GRK5: variants seen among roughly 807,000 people sequenced by gnomAD.
The protein encoded by GRK5 is G protein-coupled receptor kinase 5.
A neutral mutation model predicts 78.4 loss-of-function variants in GRK5; 40 were observed. The observed-to-expected ratio is 0.51, with a 90% CI of 0.40 to 0.66. The LOEUF (loss-of-function observed/expected upper bound fraction) is 0.66, where lower values mean the gene tolerates loss of function less well. Ranked by LOEUF, GRK5 falls within the 30% of genes least tolerant of loss-of-function variation. The pLI is 0.00. For missense variants in GRK5, 598 were observed against 759.9 expected (o/e 0.79, Z 2.50); for synonymous variants, 289 against 296.8 (o/e 0.97, Z 0.27).
intron 2 of GRK5, among the ~76,000 whole-genome samples, chr10:119,353,433 T>C (rs975672054): frequency 2.6e-5 from 4 of 152,202 alleles, no homozygotes; most frequent in African/African-American, 9.6e-5. Context: ...CTGCTATTAA[T>C]ATACTAATTA....
chr10:119,315,953 A>G (rs1253580606), intron 1 of GRK5, among the ~76,000 whole-genome samples: 1 of 152,196 alleles, frequency 6.6e-6, no homozygotes. Flanking sequence ...GGTCCCCTGC[A>G]TTAGCATAAT....
chr10:119,284,270 ATATTT>A (rs1431783768), intron 1 of GRK5, among the ~76,000 whole-genome samples: 1 of 152,142 alleles, frequency 6.6e-6, no homozygotes, highest in Non-Finnish European at 1.5e-5. Flanking sequence ...TTTTAATAAT[ATATTT>A]TATTTAATCC....
chr10:119,394,320 GTGTGTAT>G, intron 3 of GRK5, among the ~76,000 whole-genome samples: 2 of 112,702 alleles, frequency 1.8e-5, no homozygotes, highest in Non-Finnish European at 2.0e-5. Flanking sequence ...GCACGTGGGT[GTGTGTAT>G]CTGTGTGTCT....
chr10:119,389,807 C>CACAT (rs1851858861), intron 3 of GRK5, among the ~76,000 whole-genome samples: 1 of 20,068 alleles, frequency 5.0e-5, no homozygotes, highest in African/African-American at 2.0e-4. Flanking sequence ...GAGCAACACA[C>CACAT]ACACACACAC....
chr10:119,442,168 C>T (rs965799682), intron 11 of GRK5, 80 bp downstream of exon 11: 39 of 1,107,460 alleles, frequency 3.5e-5, no homozygotes, highest in East Asian at 1.4e-4. Context: ...AGAGCCTGCC[C>T]GCAGAGCCTC....
chr10:119,237,062 C>CTTTT (rs11393484), intron 1 of GRK5, among the ~76,000 whole-genome samples: 4 of 119,150 alleles, frequency 3.4e-5, no homozygotes, highest in South Asian at 2.5e-4. Flanking sequence ...TTTGCCTTAC[C>CTTTT]TTTTTTTTTT....
intron 2 of GRK5, among the ~76,000 whole-genome samples, chr10:119,330,763 G>A (rs1850762632): frequency 6.6e-6 from 1 of 152,162 alleles, no homozygotes; most frequent in African/African-American, 2.4e-5. Context: ...GCTCATGCCT[G>A]TAATCCCAGC....
intron 3 of GRK5, among the ~76,000 whole-genome samples, chr10:119,394,113 GGGGT>G (rs774175630): frequency 1.7e-3 from 64 of 38,754 alleles, no homozygotes; most frequent in Admixed American, 5.4e-3. Context: ...GTCTGTGTGG[GGGGT>G]GTGTGTGTGT....
intron 2 of GRK5, among the ~76,000 whole-genome samples, chr10:119,334,260 T>C (rs1452103133): frequency 7.9e-5 from 12 of 152,144 alleles, no homozygotes; most frequent in Non-Finnish European, 1.8e-4. Flanking sequence ...GAGCTATGAA[T>C]GTGCTGCTGC....
chr10:119,333,656 G>A (rs933146334), intron 2 of GRK5: 10 of 435,566 alleles, frequency 2.3e-5, no homozygotes, highest in Non-Finnish European at 4.2e-5. Flanking sequence ...CTACTTAGGT[G>A]CTCAAAGGGG....
chr10:119,366,315 A>G (rs1387026023), intron 2 of GRK5, among the ~76,000 whole-genome samples: 1 of 152,162 alleles, frequency 6.6e-6, no homozygotes, highest in Non-Finnish European at 1.5e-5. Flanking sequence ...TGGTGACCTC[A>G]TAAGTGTCCA....
chr10:119,339,557 T>C (rs1251599302), intron 2 of GRK5, among the ~76,000 whole-genome samples: 1 of 152,002 alleles, frequency 6.6e-6, no homozygotes. Flanking sequence ...AGAAAAGCCA[T>C]GGGTTGTAGG....
intron 1 of GRK5, among the ~76,000 whole-genome samples, chr10:119,245,430 G>A (rs943100808): frequency 6.6e-6 from 1 of 152,144 alleles, no homozygotes; most frequent in African/African-American, 2.4e-5. Flanking sequence ...TCGTGCAATG[G>A]AATACTATCC....
Position 119,442,075 on chromosome 10 carries a change from T to A in GRK5, c.1044T>A (p.Thr348=). 3 of 1,613,776 alleles carry A rather than the reference T, an allele frequency of 1.9e-6. No individual in the cohort carries two copies. Among genetic ancestry groups the A allele is most frequent in the Non-Finnish European group, 2.5e-6 (3 of 1,179,768 alleles). The part of the protein sequence containing the change: ...EGDLIRGRVG[T]VGYMAPEVLN... ...ACCTGATCCGCGGCCGGGTGGGCAC[T>A]GTTGGCTACATGGGTGAGTGCTGGG... Residue 348 remains threonine, a synonymous_variant, in exon 11 of 16, where the codon ACT becomes ACA. Coordinates refer to ENST00000392870, the MANE Select transcript of GRK5 (RefSeq NM_005308.3).
chr10:119,256,248 C>G (rs528755211), intron 1 of GRK5, among the ~76,000 whole-genome samples: 1 of 152,258 alleles, frequency 6.6e-6, no homozygotes, highest in South Asian at 2.1e-4. Context: ...TCTGCATTCC[C>G]GGCCAGATTT....
intron 2 of GRK5, among the ~76,000 whole-genome samples, chr10:119,360,874 C>T (rs1851352243): frequency 6.6e-6 from 1 of 152,192 alleles, no homozygotes; most frequent in Non-Finnish European, 1.5e-5. Flanking sequence ...AGGCCCTGAG[C>T]GTTCTGAGCC....
chr10:119,424,784 A>G (rs975431138), intron 5 of GRK5, among the ~76,000 whole-genome samples: 9 of 152,194 alleles, frequency 5.9e-5, no homozygotes, highest in Non-Finnish European at 1.2e-4. Context: ...ACAGTGCCCA[A>G]CACTTGGCAG....
At position 119,267,209 on chromosome 10, in the gene GRK5, C is replaced by T. The variant is rs887527710; in HGVS notation, c.52+59240C>T. Among the ~76,000 whole-genome samples the T allele has an allele frequency of 6.6e-6, 1 of 152,060 alleles. No homozygotes were observed. Among genetic ancestry groups the T allele is most frequent in the African/African-American group, 2.4e-5 (1 of 41,400 alleles). On this transcript the variant is annotated intron_variant, in intron 1 of 15. Coordinates refer to ENST00000392870, the MANE Select transcript of GRK5 (RefSeq NM_005308.3). This position sits in a 1 kb window ranked among gnomAD's most constrained non-coding sequence, Gnocchi z 4.1. ...AGCGAGCCGAGATCACACCATTGCA[C>T]TCCAGCCTGGGCAACAAGAGCGAAA... is the stretch of plus-strand genomic sequence containing the variant.
chr10:119,318,315 C>T (rs994011153), intron 1 of GRK5, among the ~76,000 whole-genome samples: 2 of 152,222 alleles, frequency 1.3e-5, no homozygotes, highest in Admixed American at 6.5e-5. Context: ...CTAGGACCTA[C>T]GTCACGGGGG....
Sources: allele counts gnomAD v4.1 joint callset (sites outside exome capture counted in the v4.1 genomes callset), GRCh38; gene constraint gnomAD v4.1.1; non-coding constraint Gnocchi (gnomAD v3.1); transcripts MANE v1.5; gene names NCBI Gene and HGNC (gene_info 2026-07-23, HGNC 2026-07-21).